RGS6: variants seen among roughly 807,000 people sequenced by gnomAD.
RGS6 encodes the protein regulator of G protein signaling 6.
In RGS6, 30 loss-of-function variants were observed where a neutral mutation model predicts 78.5. The observed-to-expected ratio is 0.38, with a 90% CI of 0.29 to 0.52. The LOEUF (loss-of-function observed/expected upper bound fraction) is 0.52. Ranked by LOEUF, RGS6 falls within the 20% of genes least tolerant of loss-of-function variation. The probability of loss-of-function intolerance (pLI) is 0.85; values close to 1 mark genes in which losing one functional copy is unlikely to be tolerated. For synonymous variants in RGS6, 206 were observed against 206.0 expected (o/e 1.00, Z 0.00); for missense variants, 495 against 609.7 (o/e 0.81, Z 1.98).
chr14:71,941,358 G>T (rs1212279411), intron 1 of RGS6, among the ~76,000 whole-genome samples: 1 of 152,104 alleles, frequency 6.6e-6, no homozygotes, highest in Non-Finnish European at 1.5e-5. Flanking sequence ...ATCATATTAA[G>T]CAGCCAACTC....
chr14:72,536,141 G>A, intron 15 of RGS6, 45 bp from the exon 16 acceptor site: 4 of 1,401,768 alleles, frequency 2.9e-6, no homozygotes, highest in Middle Eastern at 1.8e-4. Context: ...CTTTAGCACT[G>A]GTTGACAGCC....
intron 3 of RGS6, among the ~76,000 whole-genome samples, chr14:72,440,609 C>T (rs1338897418): frequency 6.6e-6 from 1 of 151,974 alleles, no homozygotes; most frequent in Non-Finnish European, 1.5e-5. Context: ...GACGGGGTTT[C>T]ACCATGTTGG....
chr14:72,520,916 G>C (rs1381712973), intron 15 of RGS6, among the ~76,000 whole-genome samples: 1 of 152,186 alleles, frequency 6.6e-6, no homozygotes, highest in East Asian at 1.9e-4. Flanking sequence ...AGATATTCCA[G>C]TCTTTGCCCT....
intron 2 of RGS6, among the ~76,000 whole-genome samples, chr14:72,189,851 T>C (rs1243675369): frequency 2.0e-5 from 3 of 152,186 alleles, no homozygotes; most frequent in Admixed American, 6.5e-5. Flanking sequence ...TGAGCATCTT[T>C]CTGGTAACTT....
intron 2 of RGS6, among the ~76,000 whole-genome samples, chr14:72,305,687 C>A (rs1462812589): frequency 6.6e-6 from 1 of 152,172 alleles, no homozygotes; most frequent in Non-Finnish European, 1.5e-5. Context: ...ACATCTCTCT[C>A]CCTCTCTTCA....
the RGS6 span, among the ~76,000 whole-genome samples, chr14:71,899,331 A>G: frequency 6.6e-6 from 1 of 152,194 alleles, no homozygotes; most frequent in East Asian, 1.9e-4. Flanking sequence ...CTGTATTATT[A>G]GCAGGGTTCC....
Position 72,541,765 on chromosome 14 carries a change from C to T in RGS6, c.1422+1671C>T, listed in dbSNP as rs192807236. The stretch of plus-strand genomic sequence containing the variant: ...GCCCCCGGAAGCTCTTGAGGGTGAC[C>T]GTGCAGGCCACGGGTGTGAGAGGGG... On this transcript the variant is annotated intron_variant, in intron 17 of 17. Coordinates refer to ENST00000553525, the MANE Select transcript of RGS6 (RefSeq NM_001204424.2). 528 of 784,568 alleles carry T rather than the reference C, an allele frequency of 6.7e-4. 2 individuals are homozygous for T. The highest frequency in any genetic ancestry group is 9.6e-4 in the African/African-American group (55 of 57,298). 48.6% of individuals were successfully genotyped at this position (784,568 alleles called of 1,614,324 possible).
At chr14:72,286,685 A>G (rs1183688686) in intron 2 of RGS6, among the ~76,000 whole-genome samples, 1 of 152,034 alleles carries the variant, frequency 6.6e-6, no homozygotes, top group African/African-American at 2.4e-5. Context: ...AATTTATTTC[A>G]TTGATGTTGC....
intron 17 of RGS6, among the ~76,000 whole-genome samples, chr14:72,554,841 C>T (rs187890734): frequency 1.2e-4 from 18 of 152,306 alleles, no homozygotes; most frequent in Admixed American, 1.0e-3. Context: ...GACGCGAGAC[C>T]GGGGAGTCTG....
At chr14:72,008,828 A>G (rs181382525) in intron 2 of RGS6, among the ~76,000 whole-genome samples, 2 of 152,322 alleles carry the variant, frequency 1.3e-5, no homozygotes, top group Non-Finnish European at 2.9e-5. Flanking sequence ...TGTAGAAAAA[A>G]ACTGCTGTAG....
chr14:71,943,682 A>T (rs2091017048), intron 1 of RGS6, among the ~76,000 whole-genome samples: 1 of 152,184 alleles, frequency 6.6e-6, no homozygotes, highest in South Asian at 2.1e-4. Context: ...GCAGGAAGAG[A>T]AGTGAAAAAG....
At chr14:72,116,299 G>A (rs1378516332) in intron 2 of RGS6, among the ~76,000 whole-genome samples, 2 of 152,092 alleles carry the variant, frequency 1.3e-5, no homozygotes, top group Non-Finnish European at 2.9e-5. Flanking sequence ...CTACCATGTG[G>A]CAGGTAGCTT....
intron 6 of RGS6, among the ~76,000 whole-genome samples, chr14:72,462,500 A>G (rs1385716800): frequency 2.0e-5 from 3 of 152,058 alleles, no homozygotes; most frequent in African/African-American, 7.3e-5. Flanking sequence ...TAGGGTTATT[A>G]TGAGGATTAA....
rs1475909877 is a variant in RGS6 at position 72,394,893 on chromosome 14, G to A, written c.184+42699G>A. On this transcript the variant is annotated intron_variant, in intron 3 of 17. Coordinates refer to ENST00000553525, the MANE Select transcript of RGS6 (RefSeq NM_001204424.2). ...TCACAGTTTATGTTCAGAGATTGCAGTAAAGACAGGCATAAGAAATTATAA... is the reference window on the plus strand; with the variant it reads ...TCACAGTTTATGTTCAGAGATTGCAATAAAGACAGGCATAAGAAATTATAA... Among the ~76,000 whole-genome samples, 9 of 152,162 alleles carry A rather than the reference G, an allele frequency of 5.9e-5. No individual in the cohort carries two copies. The East Asian group carries it at 7.7e-4, about 13-fold the overall frequency.
At chr14:72,618,408 G>A in the RGS6 span, among the ~76,000 whole-genome samples, 1 of 152,226 alleles carries the variant, frequency 6.6e-6, no homozygotes, top group Non-Finnish European at 1.5e-5. Flanking sequence ...AGTCCCACCA[G>A]GAGAAGCTGA....
intron 2 of RGS6, among the ~76,000 whole-genome samples, chr14:72,056,256 C>T (rs2153425500): frequency 6.6e-6 from 1 of 152,334 alleles, no homozygotes; most frequent in South Asian, 2.1e-4. Context: ...GGGGACTAGC[C>T]TTTGCTCTGT....
At chr14:72,446,246 G>A (rs1321290551) in intron 3 of RGS6, among the ~76,000 whole-genome samples, 1 of 152,172 alleles carries the variant, frequency 6.6e-6, no homozygotes, top group Non-Finnish European at 1.5e-5. Context: ...CTGGCCTCCA[G>A]AACCATAGAC....
At chr14:71,899,595 C>G in the RGS6 span, among the ~76,000 whole-genome samples, 1 of 152,228 alleles carries the variant, frequency 6.6e-6, no homozygotes, top group South Asian at 2.1e-4. Context: ...TTCAAGTAAC[C>G]CAGGCCTAAA....
chr14:72,289,332 TC>T (rs1205268216), intron 2 of RGS6, among the ~76,000 whole-genome samples: 9 of 16,282 alleles, frequency 5.5e-4, no homozygotes, highest in South Asian at 2.5e-3. Flanking sequence ...TCTTTCTTTC[TC>T]TCTCTCTCTC....
Sources: allele counts gnomAD v4.1 joint callset (sites outside exome capture counted in the v4.1 genomes callset), GRCh38; gene constraint gnomAD v4.1.1; transcripts MANE v1.5; gene names NCBI Gene and HGNC (gene_info 2026-07-23, HGNC 2026-07-21).